COL20A1: variants seen among roughly 807,000 people sequenced by gnomAD.
COL20A1 encodes the protein collagen type XX alpha 1 chain.
Under a neutral mutation model 152.9 loss-of-function variants are expected in COL20A1, and 164 were observed. The ratio of observed to expected loss-of-function variants is 1.07; its 90% CI spans 0.94 to 1.22. The LOEUF (loss-of-function observed/expected upper bound fraction) is 1.22, where lower values mean the gene tolerates loss of function less well. Among genes scored for constraint, COL20A1 ranks in the 50% most tolerant of loss-of-function variants. The pLI, the probability that COL20A1 is intolerant of heterozygous loss-of-function variation, is 0.00. For synonymous variants in COL20A1, 864 were observed against 756.0 expected, an observed-to-expected ratio of 1.14 and a Z score of -2.34; for missense variants, 1,873 against 1,744.8, an observed-to-expected ratio of 1.07 and a Z score of -1.31.
At chr20:63,322,745 G>A (rs928372682) in intron 27 of COL20A1, among the ~76,000 whole-genome samples, 1 of 152,190 alleles carries the variant, frequency 6.6e-6, no homozygotes, top group Non-Finnish European at 1.5e-5. Flanking sequence ...GATGCCGAAG[G>A]CGTGGTCGGC....
intron 21 of COL20A1, 73 bp from the exon 22 acceptor site, chr20:63,318,985 G>A (rs562954951): frequency 2.2e-5 from 27 of 1,209,122 alleles, no homozygotes; most frequent in African/African-American, 8.9e-5. Flanking sequence ...GGGGCTGGGC[G>A]AGCGGATCGT....
intron 2 of COL20A1, among the ~76,000 whole-genome samples, chr20:63,296,618 T>A (rs1389023558): frequency 6.6e-6 from 1 of 152,110 alleles, no homozygotes; most frequent in Non-Finnish European, 1.5e-5. Context: ...AACAGTGCTG[T>A]CCTCCAGCAG....
intron 3 of COL20A1, among the ~76,000 whole-genome samples, chr20:63,298,867 T>G (rs1042975809): frequency 1.3e-5 from 2 of 152,216 alleles, no homozygotes; most frequent in Non-Finnish European, 2.9e-5. Context: ...ATCAGCACTG[T>G]GGGGTGGCCA....
At position 63,319,909 on chromosome 20, in the gene COL20A1, A is replaced by T; in HGVS notation, c.2917-130A>T. 1 of 876,266 alleles carries T rather than the reference A, an allele frequency of 1.1e-6. No individual in the cohort carries two copies. The highest frequency in any genetic ancestry group is 1.7e-6 in the Non-Finnish European group (1 of 586,388). The allele number at this position is 876,266 out of a possible 1,614,324, so 54.3% of individuals were successfully genotyped here. ...TTCTCCCAGGGTCCCCCGAAACCTG[A>T]GGTGAGGTCAGGTTCCTGACCCCAG... On this transcript the variant is annotated intron_variant, in intron 23 of 35. Coordinates refer to ENST00000358894, the MANE Select transcript of COL20A1 (RefSeq NM_020882.4). This position sits in a 1 kb window ranked among gnomAD's most constrained non-coding sequence, Gnocchi z 4.4.
intron 6 of COL20A1, 81 bp downstream of exon 6, chr20:63,307,729 G>A (rs1047872857): frequency 3.2e-5 from 47 of 1,487,886 alleles, no homozygotes; most frequent in South Asian, 2.0e-4. Flanking sequence ...TGACCTGTGG[G>A]GGTCCCCGTA....
intron 2 of COL20A1, 124 bp from the exon 3 acceptor site, chr20:63,297,786 G>A (rs1252289964): frequency 1.4e-5 from 10 of 705,084 alleles, no homozygotes; most frequent in Middle Eastern, 2.4e-4. Context: ...CTGTCTCTTC[G>A]GGGTCCCCCG....
At chr20:63,316,529 C>T (rs572461440) in intron 20 of COL20A1, 24 bp from the exon 21 acceptor site, 23 of 1,579,698 alleles carry the variant, frequency 1.5e-5, no homozygotes, top group East Asian at 1.4e-4. Context: ...CCCTCGGTGC[C>T]CCTTCCCCCA....
At position 63,312,473 on chromosome 20, in the gene COL20A1, C is replaced by G; in HGVS notation, c.1857C>G (p.Ser619=). 2 of 1,608,608 alleles carry G rather than the reference C, an allele frequency of 1.2e-6. No homozygotes were observed. The highest frequency in any genetic ancestry group is 2.2e-5 in the South Asian group (2 of 90,768). ...CCACGCTGGGGCCTCTCTCTTCCTC[C>G]ACCACCTACACTGTCCGTGTCACCT... is the stretch of plus-strand genomic sequence containing the variant. ...TSATLGPLSS[S]TTYTVRVTCL... Residue 619 remains serine, a synonymous_variant, in exon 15 of 36, where the codon TCC becomes TCG. Coordinates refer to ENST00000358894, the MANE Select transcript of COL20A1 (RefSeq NM_020882.4).
At chr20:63,329,498 G>C (rs1329658666) in intron 34 of COL20A1, 87 bp from the exon 35 acceptor site, 9 of 1,004,420 alleles carry the variant, frequency 9.0e-6, no homozygotes, top group Admixed American at 2.0e-5. Context: ...TGCCCAGGGA[G>C]GGGCCCTGAC....
chr20:63,297,884 C>T (rs1230446875), intron 2 of COL20A1, 26 bp from the exon 3 acceptor site: 7 of 1,593,590 alleles, frequency 4.4e-6, no homozygotes, highest in Non-Finnish European at 6.0e-6. Flanking sequence ...CAGGTCAGTC[C>T]TGACCACTAT....
intron 31 of COL20A1, chr20:63,327,102 G>A (rs994925278): frequency 7.6e-5 from 29 of 380,384 alleles, no homozygotes; most frequent in African/African-American, 5.8e-4. Context: ...GGGACTTCCT[G>A]TTGACTGCCA....
chr20:63,307,645 G>C lies in COL20A1; in HGVS notation c.652G>C (p.Val218Leu). 1.2e-6 allele frequency: 2 copies of C among 1,611,938 alleles called. No individual in the cohort carries two copies. The highest frequency in any genetic ancestry group is 1.7e-6 in the Non-Finnish European group (2 of 1,179,322). Residue 218 changes from valine to leucine, a missense_variant, in exon 6 of 36, where the codon GTA (valine) becomes CTA (leucine). By Grantham distance (32) the Val-to-Leu change is conservative. Coordinates refer to ENST00000358894, the MANE Select transcript of COL20A1 (RefSeq NM_020882.4). The stretch of plus-strand genomic sequence containing the variant: ...TGAAATCGGGCCGGATAAGGTCCAA[G>C]TAGGTGGGTGCTGGCCCGGCCCGCC... ...PFEIGPDKVQVGLTQYSGDAQ... is the reference protein window; with the variant it reads ...PFEIGPDKVQLGLTQYSGDAQ...
chr20:63,328,746 T>G (rs941823003), intron 34 of COL20A1, among the ~76,000 whole-genome samples: 1 of 152,208 alleles, frequency 6.6e-6, no homozygotes, highest in Admixed American at 6.5e-5. Flanking sequence ...TTCCCCAGTC[T>G]TCAGGAAACA....
chr20:63,329,378 C>A (rs1190823208), intron 34 of COL20A1: 6 of 585,072 alleles, frequency 1.0e-5, no homozygotes, highest in African/African-American at 3.8e-5. Flanking sequence ...TGGCCATGCC[C>A]CCCCAGAACT....
rs755733095 is a variant in COL20A1, at chr20:63,307,979, C to T, written c.664C>T (p.Gln222Ter). The change falls in exon 7 of 36, where the codon CAG becomes TAG. Residue 222 changes from glutamine (Q) to a stop codon, truncating the protein, a stop_gained. Coordinates refer to ENST00000358894, the MANE Select transcript of COL20A1 (RefSeq NM_020882.4). LOFTEE classifies it high-confidence loss of function. ...ATGCCCCTGCTCCCCAGGCCTGACT[C>T]AGTACAGCGGGGATGCTCAGACTGA... is the stretch of plus-strand genomic sequence containing the variant. ...GPDKVQVGLT[Q>*]YSGDAQTEWD... 6.2e-7 allele frequency: 1 copy of T among 1,612,552 alleles called. No individual in the cohort carries two copies. The highest frequency in any genetic ancestry group is 8.5e-7 in the Non-Finnish European group (1 of 1,179,710).
At chr20:63,328,249 G>C (rs1185199568) in intron 33 of COL20A1, 82 bp from the exon 34 acceptor site, 2 of 1,545,584 alleles carry the variant, frequency 1.3e-6, no homozygotes, top group Non-Finnish European at 1.8e-6. Flanking sequence ...GCACACCTGG[G>C]CCAGGTGTCC....
chr20:63,298,331 C>T (rs1303076047), intron 3 of COL20A1, among the ~76,000 whole-genome samples: 1 of 152,122 alleles, frequency 6.6e-6, no homozygotes. Flanking sequence ...TGCTGTGTTG[C>T]CCAGACTGGA....
intron 3 of COL20A1, among the ~76,000 whole-genome samples, 166 bp downstream of exon 3, chr20:63,298,186 G>A (rs548231581): frequency 5.3e-5 from 8 of 152,306 alleles, no homozygotes; most frequent in Admixed American, 1.3e-4. Context: ...CCTTTCCCCC[G>A]TCACATATGA....
In COL20A1 at chr20:63,307,448, G is replaced by A. The variant is rs552015293; in HGVS notation, c.497-42G>A. 13 of 1,582,746 alleles carry A rather than the reference G, an allele frequency of 8.2e-6. No homozygotes were observed. In the South Asian group the frequency reaches 1.2e-4, roughly 15 times the overall value. ...GGTGATCTGGGGGCCTTGGACCAGG[G>A]ATGGGCCTCACCTAGCACCTGACCC... On this transcript the variant is annotated intron_variant, in intron 5 of 35. Transcript: ENST00000358894.
Sources: gnomAD v4.1 joint callset for allele counts (sites outside exome capture counted in the v4.1 genomes callset) on GRCh38, gnomAD v4.1.1 for gene constraint, Gnocchi (gnomAD v3.1) non-coding constraint, MANE v1.5 for transcripts, NCBI Gene and HGNC (gene_info 2026-07-23, HGNC 2026-07-21) for gene names.